Variants in WDR37 observed in about 807,000 individuals in gnomAD.
WDR37 encodes the protein WD repeat domain 37, also known as WD repeat-containing protein 37.
In WDR37, 19 loss-of-function variants were observed where a neutral mutation model predicts 62.9. The observed-to-expected ratio is 0.30, with a 90% CI of 0.21 to 0.44. The LOEUF is 0.44. Among genes scored for constraint, WDR37 ranks in the 20% least tolerant of loss-of-function variants. The pLI is 1.00. For missense variants in WDR37, 474 were observed against 657.6 expected (o/e 0.72, Z 3.05); for synonymous variants, 250 against 260.9 (o/e 0.96, Z 0.40).
intron 1 of WDR37, among the ~76,000 whole-genome samples, chr10:1,062,525 C>G (rs1833407013): frequency 6.6e-6 from 1 of 152,182 alleles, no homozygotes; most frequent in Admixed American, 6.5e-5. Flanking sequence ...GATAGAGTCT[C>G]CCTTTTTCTC....
chr10:1,060,710 T>G, intron 1 of WDR37, among the ~76,000 whole-genome samples: 1 of 152,262 alleles, frequency 6.6e-6, no homozygotes, highest in Non-Finnish European at 1.5e-5. Context: ...GTCTGTTAAA[T>G]ACAATCGGGT....
At chr10:1,074,751 C>CA (rs1486589963) in intron 2 of WDR37, among the ~76,000 whole-genome samples, 1 of 152,196 alleles carries the variant, frequency 6.6e-6, no homozygotes, top group Non-Finnish European at 1.5e-5. Flanking sequence ...TGAGGAGCAG[C>CA]AATATAGAAG....
At position 1,062,858 on chromosome 10, in the gene WDR37, C is replaced by T. The variant is rs994197271; in HGVS notation, c.-41+5890C>T. Among the ~76,000 whole-genome samples, 15 of 152,154 alleles carry T rather than the reference C, an allele frequency of 9.9e-5. No individual in the cohort carries two copies. In the South Asian group the frequency reaches 1.0e-3, roughly 11 times the overall value. On this transcript the variant is annotated intron_variant, in intron 1 of 13. Coordinates refer to ENST00000263150, the MANE Select transcript of WDR37 (RefSeq NM_014023.4). ...ATCCAAGCACTTTGGGAGGCTGAGG[C>T]GGGCAGATCACAAGGTCACAAGTTA...
chr10:1,067,493 G>A (rs181422246), intron 1 of WDR37, among the ~76,000 whole-genome samples: 5 of 152,278 alleles, frequency 3.3e-5, no homozygotes, highest in Admixed American at 2.0e-4. Flanking sequence ...AACAGATTGG[G>A]AGAAATGATT....
intron 2 of WDR37, chr10:1,074,483 C>T (rs143022429): frequency 3.5e-5 from 46 of 1,304,322 alleles, no homozygotes; most frequent in Middle Eastern, 2.1e-4. Context: ...AGCAGTGATT[C>T]GGAGTGGGAC....
At position 1,124,242 on chromosome 10, in the gene WDR37, C is replaced by T. The variant is rs371598442; in HGVS notation, c.1128C>T (p.Thr376=). The T allele has an allele frequency of 8.7e-6, 14 of 1,614,172 alleles. No individual in the cohort carries two copies. The highest frequency in any genetic ancestry group is 1.6e-4 in the Middle Eastern group (1 of 6,062). Reference sequence around the variant, plus strand: ...GCACTGTGACTTCTGCCGTGTTCACCGTGGGAGACAACGTGGTTTCAGGCA... The same window carrying T: ...GCACTGTGACTTCTGCCGTGTTCACTGTGGGAGACAACGTGGTTTCAGGCA... ...HTDTVTSAVF[T]VGDNVVSGSD... The change falls in exon 12 of 14, where the codon ACC becomes ACT. Residue 376 remains threonine, a synonymous_variant. Coordinates refer to ENST00000263150, the MANE Select transcript of WDR37 (RefSeq NM_014023.4).
At chr10:1,071,667 A>G (rs1206881683) in intron 1 of WDR37, among the ~76,000 whole-genome samples, 1 of 152,250 alleles carries the variant, frequency 6.6e-6, no homozygotes, top group Non-Finnish European at 1.5e-5. Context: ...TAAGTAAATC[A>G]TTAAAAGTAA....
chr10:1,066,377 A>T (rs552370543), intron 1 of WDR37, among the ~76,000 whole-genome samples: 2 of 152,210 alleles, frequency 1.3e-5, no homozygotes, highest in Admixed American at 6.5e-5. Flanking sequence ...TGACCTCCCA[A>T]AGTGCTGGGA....
At chr10:1,100,909 C>T (rs1834773830) in intron 9 of WDR37, among the ~76,000 whole-genome samples, 1 of 152,224 alleles carries the variant, frequency 6.6e-6, no homozygotes, top group African/African-American at 2.4e-5. Flanking sequence ...GCCTCGGGCC[C>T]CCCGTCCCGA....
At chr10:1,072,366 G>A (rs1833755625) in intron 2 of WDR37, 73 bp downstream of exon 2, 3 of 1,575,754 alleles carry the variant, frequency 1.9e-6, no homozygotes, top group Admixed American at 1.7e-5. Context: ...TTCCCCGGCT[G>A]GAGTGCGATG....
In WDR37 at chr10:1,124,434, G is replaced by A. The variant is rs1317842204; in HGVS notation, c.1238+82G>A. 3.2e-6 allele frequency: 5 copies of A among 1,576,894 alleles called. No homozygotes were observed. The Admixed American group carries it at 6.7e-5, about 21-fold the overall frequency. ...GTGATTTCATGTTTTATTCATGGAG[G>A]TTTAATTGATAGAACCCCGGGAACA... On this transcript the variant is annotated intron_variant, in intron 12 of 13. Transcript: ENST00000263150.
At chr10:1,082,840 C>T (rs934955392) in intron 5 of WDR37, among the ~76,000 whole-genome samples, 2 of 151,290 alleles carry the variant, frequency 1.3e-5, no homozygotes, top group Non-Finnish European at 3.0e-5. Flanking sequence ...CCACTCTGTT[C>T]TTACCCTGCG....
chr10:1,126,743 G>C (rs1032206186), intron 13 of WDR37, among the ~76,000 whole-genome samples: 2 of 152,236 alleles, frequency 1.3e-5, no homozygotes, highest in East Asian at 1.9e-4. Flanking sequence ...GTGCGAAAGT[G>C]GGGGTTCTCT....
intron 9 of WDR37, among the ~76,000 whole-genome samples, chr10:1,099,414 T>C (rs545559082): frequency 3.9e-5 from 6 of 152,350 alleles, no homozygotes; most frequent in African/African-American, 1.4e-4. Flanking sequence ...AGTTTTGATA[T>C]TTTCATCTTG....
At chr10:1,101,125 C>T (rs1412145717) in intron 9 of WDR37, among the ~76,000 whole-genome samples, 1 of 152,228 alleles carries the variant, frequency 6.6e-6, no homozygotes, top group Non-Finnish European at 1.5e-5. Context: ...TTTCTTCCCA[C>T]CCTGCTCCAG....
intron 7 of WDR37, among the ~76,000 whole-genome samples, chr10:1,093,077 G>T (rs953931753): frequency 6.6e-6 from 1 of 151,858 alleles, no homozygotes; most frequent in Admixed American, 6.6e-5. Context: ...CGGATGGGGC[G>T]GGGCTTATGG....
rs1275073174 is a variant in WDR37, at chr10:1,129,996, TC to T, written c.*655del. 1 of 152,614 alleles carries T rather than the reference TC, an allele frequency of 6.6e-6. No individual in the cohort carries two copies. The highest frequency in any genetic ancestry group is 2.4e-5 in the African/African-American group (1 of 41,442). The allele number at this position is 152,614 out of a possible 1,614,324, so 9.5% of individuals were successfully genotyped here. A position where few individuals can be genotyped will look rare whatever the true frequency, so the allele number is the denominator to read the frequency against. On this transcript the variant is annotated 3_prime_UTR_variant, in exon 14 of 14. Transcript: ENST00000263150. ...TTTTTTATAGAAAATCATTTCAGTC[TC>T]CCGAGGTCTCATGCTAGCAAATTTT...
At chr10:1,099,239 A>G (rs1444039011) in intron 9 of WDR37, among the ~76,000 whole-genome samples, 2 of 152,188 alleles carry the variant, frequency 1.3e-5, no homozygotes, top group Admixed American at 1.3e-4. Context: ...CCTAGTTTCA[A>G]TGACAGGATA....
chr10:1,113,568 C>T (rs1346872561), intron 11 of WDR37, among the ~76,000 whole-genome samples: 1 of 152,206 alleles, frequency 6.6e-6, no homozygotes, highest in Non-Finnish European at 1.5e-5. Context: ...TTCTGGTCGC[C>T]ATTCAGAACA....
Sources: gnomAD v4.1 joint callset for allele counts (sites outside exome capture counted in the v4.1 genomes callset) on GRCh38, gnomAD v4.1.1 for gene constraint, MANE v1.5 for transcripts, NCBI Gene and HGNC (gene_info 2026-07-23, HGNC 2026-07-21) for gene names.